GAK: variants seen among roughly 807,000 people sequenced by gnomAD.
GAK encodes the protein cyclin-G-associated kinase.
GAK carries 79 observed loss-of-function variants against 143.9 expected under a neutral mutation model. The ratio of observed to expected loss-of-function variants is 0.55; its 90% CI spans 0.46 to 0.66. The LOEUF is 0.66. GAK is among the 30% of genes least tolerant of loss of function. The pLI is 0.00. For synonymous variants in GAK, 881 were observed against 765.5 expected (o/e 1.15, Z -2.49); for missense variants, 1,693 against 1,779.7 (o/e 0.95, Z 0.88).
At position 870,909 on chromosome 4, in the gene GAK, G is replaced by C; in HGVS notation, c.2055-5C>G. The C allele has an allele frequency of 6.2e-7, 1 of 1,606,214 alleles. No homozygotes were observed. Among genetic ancestry groups the C allele is most frequent in the Non-Finnish European group, 8.5e-7 (1 of 1,175,770 alleles). Reference sequence around the variant, plus strand: ...TCACACGCGTCCAGGTCATACCTGCGGTTACAAGTAGACACCACTTAGGAA... The same window carrying C: ...TCACACGCGTCCAGGTCATACCTGCCGTTACAAGTAGACACCACTTAGGAA... On this transcript the variant is annotated splice_region_variant and splice_polypyrimidine_tract_variant and intron_variant, in intron 18 of 27. Coordinates refer to ENST00000314167, the MANE Select transcript of GAK (RefSeq NM_005255.4).
rs769143622 is a variant in GAK at position 849,550 on chromosome 4, G to A, written c.*123C>T. 6.3e-5 allele frequency: 43 copies of A among 678,990 alleles called. No individual in the cohort carries two copies. Among genetic ancestry groups the A allele is most frequent in the Middle Eastern group, 3.7e-4 (1 of 2,694 alleles). The allele number at this position is 678,990 out of a possible 1,614,324, so 42.1% of individuals were successfully genotyped here. On this transcript the variant is annotated 3_prime_UTR_variant, in exon 28 of 28. Transcript: ENST00000314167. ...TGGAACGCTGGGCGGGCGGTGACCC[G>A]GGGCTCGGAGCCCCACCCTGGCCAC...
chr4:896,743 C>T (rs984265754), intron 6 of GAK, among the ~76,000 whole-genome samples, 194 bp from the exon 7 acceptor site: 15 of 152,270 alleles, frequency 9.9e-5, no homozygotes, highest in Admixed American at 8.5e-4. Context: ...GGCCTCAGCG[C>T]GCTCCTTACG....
intron 20 of GAK, among the ~76,000 whole-genome samples, 181 bp from the exon 21 acceptor site, chr4:867,613 C>T (rs1751455227): frequency 6.6e-6 from 1 of 150,998 alleles, no homozygotes; most frequent in Non-Finnish European, 1.5e-5. Flanking sequence ...GGTGAACACA[C>T]GTGGCCAGCA....
chr4:907,654 T>C (rs1436188023), intron 4 of GAK, among the ~76,000 whole-genome samples: 1 of 152,014 alleles, frequency 6.6e-6, no homozygotes, highest in Non-Finnish European at 1.5e-5. Flanking sequence ...ACTGGAGGGG[T>C]TGCCTCATGG....
At chr4:882,567 G>A (rs919552652) in intron 14 of GAK, 130 bp downstream of exon 14, 1 of 1,192,052 alleles carries the variant, frequency 8.4e-7, no homozygotes, top group Non-Finnish European at 1.2e-6. Context: ...CCAAGCACAG[G>A]GACTTTCTTC....
At chr4:861,825 G>C (rs1291905559) in intron 23 of GAK, among the ~76,000 whole-genome samples, 1 of 152,166 alleles carries the variant, frequency 6.6e-6, no homozygotes, top group East Asian at 1.9e-4. Context: ...CTGGAGAGAA[G>C]GTCAAACTAG....
chr4:912,099 G>A (rs762969071), intron 3 of GAK: 5 of 468,240 alleles, frequency 1.1e-5, no homozygotes, highest in East Asian at 6.5e-5. Flanking sequence ...GGGGCTGTGC[G>A]CAGGGAGGCT....
At chr4:876,261 C>T (rs951070363) in intron 18 of GAK, among the ~76,000 whole-genome samples, 1 of 152,218 alleles carries the variant, frequency 6.6e-6, no homozygotes, top group Non-Finnish European at 1.5e-5. Flanking sequence ...AGCCGCCACC[C>T]GCTCACCTGC....
chr4:895,171 A>G (rs1490464498), intron 7 of GAK, among the ~76,000 whole-genome samples: 4 of 152,180 alleles, frequency 2.6e-5, no homozygotes, highest in Admixed American at 2.6e-4. Context: ...AACTGACCCC[A>G]TATGCAGGGT....
intron 5 of GAK, among the ~76,000 whole-genome samples, chr4:900,521 C>T (rs976865508): frequency 2.6e-5 from 4 of 152,174 alleles, no homozygotes; most frequent in African/African-American, 7.2e-5. Context: ...CCCCGCTACA[C>T]GACCCATCAC....
intron 1 of GAK, among the ~76,000 whole-genome samples, chr4:921,426 C>A (rs535514253): frequency 6.6e-6 from 1 of 152,302 alleles, no homozygotes; most frequent in Non-Finnish European, 1.5e-5. Context: ...GGCACAGAAG[C>A]AACTCCATGG....
chr4:927,776 C>T (rs537521618), intron 1 of GAK, among the ~76,000 whole-genome samples: 9 of 149,022 alleles, frequency 6.0e-5, no homozygotes, highest in South Asian at 2.1e-4. Context: ...TGCTTACCTG[C>T]GCTCTGCACT....
intron 16 of GAK, 49 bp downstream of exon 16, chr4:877,566 G>A (rs771814691): frequency 2.2e-5 from 33 of 1,511,038 alleles, no homozygotes; most frequent in Middle Eastern, 1.8e-4. Flanking sequence ...ACGGTTTTCC[G>A]GAGGGGTGAG....
intron 11 of GAK, among the ~76,000 whole-genome samples, chr4:885,258 C>T (rs1010002556): frequency 1.3e-5 from 2 of 152,124 alleles, no homozygotes; most frequent in African/African-American, 4.8e-5. Flanking sequence ...GCTACTGGAC[C>T]TATAATCTAA....
chr4:871,293 G>A (rs998434162), intron 18 of GAK, among the ~76,000 whole-genome samples: 2 of 152,214 alleles, frequency 1.3e-5, no homozygotes, highest in African/African-American at 2.4e-5. Flanking sequence ...TGGAGACTCC[G>A]GCACCCAGGC....
intron 19 of GAK, chr4:869,871 G>A (rs28469522): frequency 0.013 from 1,870 of 148,286 alleles, 46 homozygotes; most frequent in Admixed American, 0.065. Context: ...GGGTACACAT[G>A]AATGCACGCA....
At chr4:858,234 C>T (rs952182419) in intron 24 of GAK, among the ~76,000 whole-genome samples, 3 of 152,352 alleles carry the variant, frequency 2.0e-5, no homozygotes, top group Admixed American at 1.3e-4. Flanking sequence ...CGTCATGTGT[C>T]GGGACAGCAG....
chr4:890,192 C>T lies in GAK; in HGVS notation c.1081+340G>A, dbSNP rs149678930. On this transcript the variant is annotated intron_variant, in intron 10 of 27. Coordinates refer to ENST00000314167, the MANE Select transcript of GAK (RefSeq NM_005255.4). The stretch of plus-strand genomic sequence containing the variant: ...GTGATCTATGCTGGGGTCTTGGCCA[C>T]GGCGCAGGCTGCCTCCCACATAACC... Among the ~76,000 whole-genome samples, 33 of 152,290 alleles carry T rather than the reference C, an allele frequency of 2.2e-4. 1 individual carries two copies. The highest frequency in any genetic ancestry group is 1.2e-3 in the South Asian group (6 of 4,828).
At position 888,891 on chromosome 4, in the gene GAK, G is replaced by T. The variant is rs767636616; in HGVS notation, c.1161C>A (p.Thr387=). ...CCTTGGAGGAGGTGTCCTTGAGGTT[G>T]GTGAAGAGCCGCTCTGTCCCACCCC... ...ILRGGTERLF[T]NLKDTSSKVI... is the part of the protein sequence containing the mutation. Residue 387 remains threonine, a synonymous_variant, in exon 11 of 28, where the codon ACC becomes ACA. Coordinates refer to ENST00000314167, the MANE Select transcript of GAK (RefSeq NM_005255.4). The T allele has an allele frequency of 2.5e-5, 41 of 1,611,334 alleles. No individual in the cohort carries two copies. The highest frequency in any genetic ancestry group is 3.4e-6 in the Non-Finnish European group (4 of 1,179,210).
Sources: gnomAD v4.1 joint callset for allele counts (sites outside exome capture counted in the v4.1 genomes callset) on GRCh38, gnomAD v4.1.1 for gene constraint, MANE v1.5 for transcripts, NCBI Gene and HGNC (gene_info 2026-07-23, HGNC 2026-07-21) for gene names.